Variants in HBEGF observed in about 807,000 individuals in gnomAD.
HBEGF encodes the protein heparin binding EGF like growth factor, also known as proheparin-binding EGF-like growth factor.
HBEGF carries 8 observed loss-of-function variants against 19.5 expected under a neutral mutation model. That is an observed-to-expected ratio of 0.41 (90% CI 0.24 to 0.74). The LOEUF is 0.74. Among genes scored for constraint, HBEGF ranks in the 30% least tolerant of loss-of-function variants. The pLI, the probability that HBEGF is intolerant of heterozygous loss-of-function variation, is 0.32. For missense variants in HBEGF, 207 were observed against 256.9 expected (o/e 0.81, Z 1.33); for synonymous variants, 97 against 108.9 (o/e 0.89, Z 0.68).
At chr5:140,341,300 A>G (rs1027940257) in intron 3 of HBEGF, among the ~76,000 whole-genome samples, 2 of 152,228 alleles carry the variant, frequency 1.3e-5, no homozygotes, top group African/African-American at 2.4e-5. Flanking sequence ...CCAATCTGGT[A>G]TAGACAGATT....
chr5:140,344,169 A>T (rs181226503), intron 2 of HBEGF, among the ~76,000 whole-genome samples: 10 of 152,050 alleles, frequency 6.6e-5, no homozygotes, highest in Admixed American at 2.6e-4. Context: ...GAAAAAACTC[A>T]TGGCAGGCAG....
intron 3 of HBEGF, among the ~76,000 whole-genome samples, chr5:140,341,690 C>T (rs541667187): frequency 1.5e-4 from 23 of 152,324 alleles, no homozygotes; most frequent in Non-Finnish European, 2.6e-4. Flanking sequence ...AGGCAGTGTG[C>T]ATACAACAGT....
At chr5:140,338,756 C>G (rs1766264825) in intron 3 of HBEGF, among the ~76,000 whole-genome samples, 1 of 152,150 alleles carries the variant, frequency 6.6e-6, no homozygotes, top group Non-Finnish European at 1.5e-5. Context: ...AGCCAGCCAC[C>G]CACCAGACTA....
chr5:140,343,178 A>C lies in HBEGF; in HGVS notation c.221-366T>G, dbSNP rs564543482. 3 of 205,840 alleles carry C rather than the reference A, an allele frequency of 1.5e-5. No individual in the cohort carries two copies. In the South Asian group the frequency reaches 3.2e-4, roughly 22 times the overall value. 12.8% of individuals were successfully genotyped at this position (205,840 alleles called of 1,614,324 possible). A position where few individuals can be genotyped will look rare whatever the true frequency, so the allele number is the denominator to read the frequency against. On this transcript the variant is annotated intron_variant, in intron 2 of 5. Transcript: ENST00000230990. Reference sequence around the variant, plus strand: ...TCTCCTACTCCCCCACACCCACTTCATTCTATTTTGGCCTTCAATCAGCCT... The same window carrying C: ...TCTCCTACTCCCCCACACCCACTTCCTTCTATTTTGGCCTTCAATCAGCCT...
intron 4 of HBEGF, 190 bp from the exon 5 acceptor site, chr5:140,334,938 G>A: frequency 3.3e-6 from 2 of 610,354 alleles, no homozygotes. Context: ...ATAGCAGGAT[G>A]CAATTTACAA....
At chr5:140,343,675 A>G (rs1333606351) in intron 2 of HBEGF, among the ~76,000 whole-genome samples, 3 of 152,212 alleles carry the variant, frequency 2.0e-5, no homozygotes, top group Non-Finnish European at 2.9e-5. Flanking sequence ...TCACCCAGAT[A>G]TCCAGCTGGG....
At chr5:140,334,789 G>T in intron 4 of HBEGF, 41 bp from the exon 5 acceptor site, 1 of 1,469,796 alleles carries the variant, frequency 6.8e-7, no homozygotes, top group Non-Finnish European at 9.5e-7. Flanking sequence ...TGCCTGCTAT[G>T]ACAAAGTGCA....
rs555146264 is a variant in HBEGF at position 140,333,718 on chromosome 5, A to G, written c.*581T>C. ...ATATATAATTTAAGAGGCATTTACA[A>G]ACAACAACAACAAAAATAGTTGTTA... On this transcript the variant is annotated 3_prime_UTR_variant, in exon 6 of 6. Coordinates refer to ENST00000230990, the MANE Select transcript of HBEGF (RefSeq NM_001945.3). 6.5e-6 allele frequency: 1 copy of G among 152,768 alleles called. No individual in the cohort carries two copies. Among genetic ancestry groups the G allele is most frequent in the African/African-American group, 2.4e-5 (1 of 41,574 alleles). The allele number at this position is 152,768 out of a possible 1,614,324, so 9.5% of individuals were successfully genotyped here. A position where few individuals can be genotyped will look rare whatever the true frequency, so the allele number is the denominator to read the frequency against.
Position 140,334,780 on chromosome 5 carries a change from G to T in HBEGF, c.555-32C>A, listed in dbSNP as rs753670974. Reference sequence around the variant, plus strand: ...AAGATAAGTTTTGTGAATAAGCCCTGCCTGCTATGACAAAGTGCAGGTCCA... The same window carrying T: ...AAGATAAGTTTTGTGAATAAGCCCTTCCTGCTATGACAAAGTGCAGGTCCA... On this transcript the variant is annotated intron_variant, in intron 4 of 5. Transcript: ENST00000230990. 2.6e-6 allele frequency: 4 copies of T among 1,528,416 alleles called. No individual in the cohort carries two copies. The East Asian group carries it at 9.0e-5, about 34-fold the overall frequency. 94.7% of individuals were successfully genotyped at this position (1,528,416 alleles called of 1,614,324 possible).
intron 2 of HBEGF, among the ~76,000 whole-genome samples, chr5:140,345,686 G>A (rs935788544): frequency 1.1e-4 from 17 of 152,022 alleles, no homozygotes; most frequent in African/African-American, 4.1e-4. Flanking sequence ...ATTTGCCCCG[G>A]AGTACCCAGA....
Position 140,346,182 on chromosome 5 carries a change from C to T in HBEGF, c.47-98G>A. ...CGTCCGCCAGAGCGCAAGGGCCCCA[C>T]CAAGTGGCCCGTGCCGGGTGCGCTG... is the stretch of plus-strand genomic sequence containing the variant. On this transcript the variant is annotated intron_variant, in intron 1 of 5. Coordinates refer to ENST00000230990, the MANE Select transcript of HBEGF (RefSeq NM_001945.3). The surrounding 1 kb of genome is among the most constrained non-coding windows in gnomAD (Gnocchi z 6.1). 6.4e-6 allele frequency: 10 copies of T among 1,554,918 alleles called. No homozygotes were observed. Among genetic ancestry groups the T allele is most frequent in the Non-Finnish European group, 8.7e-6 (10 of 1,149,698 alleles).
At position 140,342,749 on chromosome 5, in the gene HBEGF, T is replaced by G. The variant is rs1488753020; in HGVS notation, c.284A>C (p.Lys95Thr). The change falls in exon 3 of 6, where the codon AAG becomes ACG. Residue 95 changes from lysine (K) to threonine (T), a missense_variant. This residue lies in a region of HBEGF where 127 missense variants were observed against 132.7 expected (regional missense o/e 0.96). Coordinates refer to ENST00000230990, the MANE Select transcript of HBEGF (RefSeq NM_001945.3). ...TPNKEEHGKR[K>T]KKGKGLGKKR... ...CTTCCCTAGCCCCTTGCCTTTCTTC[T>G]TTCTTTTCCCGTGCTCCTCCTTGTT... 6.2e-7 allele frequency: 1 copy of G among 1,614,222 alleles called. No homozygotes were observed. Among genetic ancestry groups the G allele is most frequent in the Non-Finnish European group, 8.5e-7 (1 of 1,180,036 alleles).
chr5:140,344,671 A>G (rs1337621125), intron 2 of HBEGF, among the ~76,000 whole-genome samples: 1 of 151,986 alleles, frequency 6.6e-6, no homozygotes, highest in African/African-American at 2.4e-5. Context: ...AGGCCCCCTC[A>G]GAGCTCAGAA....
chr5:140,335,841 G>T lies in HBEGF; in HGVS notation c.554+31C>A, dbSNP rs114617279. 2.2e-4 allele frequency: 353 copies of T among 1,609,108 alleles called. No homozygotes were observed. The African/African-American group carries it at 4.4e-3, about 20-fold the overall frequency. On this transcript the variant is annotated intron_variant, in intron 4 of 5. Transcript: ENST00000230990. ...GGAGGAAGAAAGGGAGTGATTTGCA[G>T]AAACAGCCTGCAGGGGACCCCAACA...
chr5:140,343,938 A>G (rs1766354428), intron 2 of HBEGF, among the ~76,000 whole-genome samples: 1 of 152,154 alleles, frequency 6.6e-6, no homozygotes, highest in Non-Finnish European at 1.5e-5. Flanking sequence ...GGAGTTCGAG[A>G]CCAGCCTTGC....
chr5:140,334,852 C>T (rs1766203710), intron 4 of HBEGF, 104 bp from the exon 5 acceptor site: 1 of 939,384 alleles, frequency 1.1e-6, no homozygotes. Flanking sequence ...TCCTCTACTA[C>T]TTGGAAAAGC....
chr5:140,339,969 C>A (rs1351841253), intron 3 of HBEGF, among the ~76,000 whole-genome samples: 3 of 152,126 alleles, frequency 2.0e-5, no homozygotes, highest in East Asian at 1.9e-4. Flanking sequence ...CAGTAGGGGG[C>A]CAGTCCAGAC....
In HBEGF at chr5:140,334,638, G is replaced by A. The variant is rs1258507367; in HGVS notation, c.*18+20C>T. 6.7e-7 allele frequency: 1 copy of A among 1,495,900 alleles called. No homozygotes were observed. The allele number at this position is 1,495,900 out of a possible 1,614,324, so 92.7% of individuals were successfully genotyped here. ...GGGACAAAGGATAATCATGTCATGG[G>A]GCAAAGGATGGAGCGTTACCTTGAG... On this transcript the variant is annotated intron_variant, in intron 5 of 5. Transcript: ENST00000230990.
intron 2 of HBEGF, 105 bp downstream of exon 2, chr5:140,345,806 A>G (rs1766387235): frequency 1.4e-6 from 2 of 1,404,776 alleles, no homozygotes; most frequent in Non-Finnish European, 2.0e-6. Context: ...GAGGTTCTCC[A>G]TGAATACCCT....
Sources: allele counts gnomAD v4.1 joint callset (sites outside exome capture counted in the v4.1 genomes callset), GRCh38; gene constraint gnomAD v4.1.1; regional missense constraint gnomAD v4.1.1; non-coding constraint Gnocchi (gnomAD v3.1); transcripts MANE v1.5; gene names NCBI Gene and HGNC (gene_info 2026-07-23, HGNC 2026-07-21).